ZFHX3: variants seen among roughly 807,000 people sequenced by gnomAD.
ZFHX3 encodes the protein zinc finger homeobox 3, also known as zinc finger homeobox protein 3.
A neutral mutation model predicts 279.1 loss-of-function variants in ZFHX3; 42 were observed. That is an observed-to-expected ratio of 0.15 (90% confidence interval 0.12 to 0.19). The LOEUF (loss-of-function observed/expected upper bound fraction) is 0.19. Ranked by LOEUF, ZFHX3 falls within the 10% of genes least tolerant of loss-of-function variation. The probability of loss-of-function intolerance (pLI) is 1.00; values close to 1 mark genes in which losing one functional copy is unlikely to be tolerated. For synonymous variants in ZFHX3, 2,293 were observed against 1,957.8 expected, an observed-to-expected ratio of 1.17 and a Z score of -4.52; for missense variants, 4,981 against 4,754.0, an observed-to-expected ratio of 1.05 and a Z score of -1.40.
intron 5 of ZFHX3, among the ~76,000 whole-genome samples, chr16:73,220,743 G>C (rs1339549397): frequency 6.6e-6 from 1 of 151,980 alleles, no homozygotes; most frequent in African/African-American, 2.4e-5. Flanking sequence ...TGTTCACCCA[G>C]AGGGGTTGCA....
chr16:72,950,591 C>T lies in ZFHX3; in HGVS notation c.3094G>A (p.Val1032Met), dbSNP rs1165615066. 16 of 1,614,124 alleles carry T rather than the reference C, an allele frequency of 9.9e-6. No homozygotes were observed. Among genetic ancestry groups the T allele is most frequent in the Non-Finnish European group, 1.4e-5 (16 of 1,180,064 alleles). ...GKANEWRLKC[V>M]AIGNPVHLKC... is the part of the protein sequence containing the mutation. ...AGGTGCACGGGGTTGCCGATGGCCA[C>T]ACACTTGAGCCTCCACTCGTTGGCC... The change falls in exon 3 of 10, where the codon GTG becomes ATG. Residue 1032 changes from valine to methionine, a missense_variant. Transcript: ENST00000268489.
intron 8 of ZFHX3, among the ~76,000 whole-genome samples, chr16:73,065,270 G>A (rs560859717): frequency 2.6e-5 from 4 of 152,166 alleles, no homozygotes; most frequent in Non-Finnish European, 5.9e-5. Context: ...GCAGGCGTGC[G>A]ATAACGGAGG....
intron 4 of ZFHX3, among the ~76,000 whole-genome samples, chr16:72,847,513 T>G (rs565861039): frequency 6.6e-6 from 1 of 152,024 alleles, no homozygotes; most frequent in Admixed American, 6.5e-5. Flanking sequence ...GTGTTCCAGG[T>G]TTTGCTGCAA....
At chr16:73,309,343 T>G (rs2015269333) in intron 4 of ZFHX3, among the ~76,000 whole-genome samples, 1 of 152,166 alleles carries the variant, frequency 6.6e-6, no homozygotes, top group African/African-American at 2.4e-5. Context: ...CGTTTTCTGT[T>G]TCTGTGTTAG....
At chr16:73,700,438 C>A (rs1308954453) in intron 1 of ZFHX3, among the ~76,000 whole-genome samples, 1 of 152,038 alleles carries the variant, frequency 6.6e-6, no homozygotes, top group South Asian at 2.1e-4. Flanking sequence ...ATTCCTCAAG[C>A]GTGTGTTACT....
intron 1 of ZFHX3, among the ~76,000 whole-genome samples, chr16:73,689,606 G>A (rs1459784544): frequency 6.6e-6 from 1 of 152,170 alleles, no homozygotes; most frequent in African/African-American, 2.4e-5. Context: ...CTAAGGGAAT[G>A]TGAAGTCAGA....
intron 1 of ZFHX3, among the ~76,000 whole-genome samples, chr16:72,986,981 A>T (rs1433569106): frequency 1.3e-5 from 2 of 151,992 alleles, no homozygotes; most frequent in Non-Finnish European, 2.9e-5. Flanking sequence ...ACAAAACCCC[A>T]CCTCTACGAA....
intron 1 of ZFHX3, among the ~76,000 whole-genome samples, chr16:73,686,046 C>T (rs1170477449): frequency 6.6e-6 from 1 of 152,152 alleles, no homozygotes; most frequent in Non-Finnish European, 1.5e-5. Flanking sequence ...CTTCAACATG[C>T]TTATGTGAAT....
intron 1 of ZFHX3, among the ~76,000 whole-genome samples, chr16:73,010,034 A>AAAAAAAAC (rs1291372159): frequency 6.6e-6 from 1 of 151,460 alleles, no homozygotes; most frequent in Non-Finnish European, 1.5e-5. Flanking sequence ...GAAAAAAAAA[A>AAAAAAAAC]AAAAAAAAAC....
At chr16:73,781,127 T>A (rs1959455681) in intron 1 of ZFHX3, among the ~76,000 whole-genome samples, 1 of 152,158 alleles carries the variant, frequency 6.6e-6, no homozygotes, top group South Asian at 2.1e-4. Context: ...GAAGTCGGAG[T>A]GTTAAACCTA....
Position 73,135,795 on chromosome 16 carries a change from C to G in ZFHX3, c.-1023-4701G>C, listed in dbSNP as rs563601811. ...AGTAGCAGCTGCCTTTTAGGCTGGGCATGGTTTCCACGGTCCCTACCTCTC... is the reference window on the plus strand; with the variant it reads ...AGTAGCAGCTGCCTTTTAGGCTGGGGATGGTTTCCACGGTCCCTACCTCTC... On this transcript the variant is annotated intron_variant, in intron 6 of 17. Coordinates refer to the ZFHX3 transcript ENST00000641206. Among the ~76,000 whole-genome samples the G allele has an allele frequency of 3.9e-5, 6 of 152,122 alleles. No homozygotes were observed. The East Asian group carries it at 1.2e-3, about 29-fold the overall frequency.
chr16:73,170,025 G>A (rs1368572448), intron 5 of ZFHX3, among the ~76,000 whole-genome samples: 1 of 151,996 alleles, frequency 6.6e-6, no homozygotes, highest in Non-Finnish European at 1.5e-5. Context: ...CTCCATGGAG[G>A]CAGGGGCCAT....
intron 1 of ZFHX3, among the ~76,000 whole-genome samples, chr16:72,979,351 A>C (rs1392088736): frequency 6.6e-6 from 1 of 152,168 alleles, no homozygotes; most frequent in Non-Finnish European, 1.5e-5. Context: ...TATGGAAAAA[A>C]CAGCAAGGAG....
chr16:73,835,041 G>A (rs1961101687), intron 1 of ZFHX3, among the ~76,000 whole-genome samples: 1 of 152,202 alleles, frequency 6.6e-6, no homozygotes, highest in African/African-American at 2.4e-5. Flanking sequence ...CCTCGGAAGT[G>A]ACTGGAAAAG....
chr16:73,558,325 T>C (rs2020317200), intron 2 of ZFHX3: 1 of 152,192 alleles, frequency 6.6e-6, no homozygotes, highest in South Asian at 2.1e-4. Context: ...CCCCTATAAA[T>C]GAGGACAACT....
At chr16:73,182,043 G>A (rs1200310846) in intron 5 of ZFHX3, among the ~76,000 whole-genome samples, 1 of 152,200 alleles carries the variant, frequency 6.6e-6, no homozygotes, top group African/African-American at 2.4e-5. Flanking sequence ...TGTTTCATAT[G>A]ATACAAGGGT....
intron 5 of ZFHX3, among the ~76,000 whole-genome samples, chr16:73,225,295 T>TA (rs2012558646): frequency 1.3e-5 from 2 of 152,182 alleles, no homozygotes; most frequent in Admixed American, 1.3e-4. Context: ...TGAACAGCCC[T>TA]ATAGGCTATA....
chr16:73,251,736 TGCACACACACATACACACCACACACAC>T (rs1567430965), intron 5 of ZFHX3, among the ~76,000 whole-genome samples: 2 of 122,440 alleles, frequency 1.6e-5, no homozygotes, highest in Admixed American at 1.7e-4. Context: ...GCACACACCA[TGCACACACACATACACACCACACACAC>T]ACACACCATG....
chr16:73,354,357 C>G (rs915287704), intron 3 of ZFHX3, among the ~76,000 whole-genome samples: 17 of 152,174 alleles, frequency 1.1e-4, no homozygotes, highest in Admixed American at 1.1e-3. Flanking sequence ...TGATCAGATT[C>G]TCAGTGCATC....
Sources: allele counts gnomAD v4.1 joint callset (sites outside exome capture counted in the v4.1 genomes callset), GRCh38; gene constraint gnomAD v4.1.1; transcripts MANE v1.5; gene names NCBI Gene and HGNC (gene_info 2026-07-23, HGNC 2026-07-21).